The following KPNA7 variants were observed in gnomAD, a reference collection of about 807,000 sequenced individuals.
KPNA7 encodes karyopherin subunit alpha 7, also known as importin subunit alpha-8.
A neutral mutation model predicts 53.7 loss-of-function variants in KPNA7; 54 were observed. That is an observed-to-expected ratio of 1.01 (90% confidence interval 0.81 to 1.26). The LOEUF (loss-of-function observed/expected upper bound fraction) is 1.26, where lower values mean the gene tolerates loss of function less well. Ranked by LOEUF, KPNA7 falls within the 50% of genes most tolerant of loss-of-function variation. KPNA7 has a pLI of 0.00. For missense variants in KPNA7, 640 were observed against 644.5 expected (o/e 0.99, Z 0.07); for synonymous variants, 276 against 259.3 (o/e 1.06, Z -0.62).
At chr7:99,205,569 G>C (rs545550420) in intron 2 of KPNA7, among the ~76,000 whole-genome samples, 1 of 152,078 alleles carries the variant, frequency 6.6e-6, no homozygotes, top group African/African-American at 2.4e-5. Flanking sequence ...GAGATGGGGG[G>C]CTGGGAGCAG....
intron 7 of KPNA7, among the ~76,000 whole-genome samples, chr7:99,187,799 TAAAAAAAAAAAAAAAAAAAAAA>T (rs55867906): frequency 6.1e-5 from 4 of 65,108 alleles, no homozygotes; most frequent in Admixed American, 1.8e-4. Context: ...CCTTTTTTTT[TAAAAAAAAAAAAAAAAAAAAAA>T]AAAAAAAAAA....
At chr7:99,145,855 G>T in the KPNA7 span, among the ~76,000 whole-genome samples, 1 of 152,204 alleles carries the variant, frequency 6.6e-6, no homozygotes, top group East Asian at 1.9e-4. Flanking sequence ...CAGGATTCAA[G>T]GCATCACATC....
rs1174171343 is a variant in KPNA7 at position 99,203,194 on chromosome 7, G to A, written c.113C>T (p.Ala38Val). The A allele has an allele frequency of 1.5e-5, 23 of 1,551,626 alleles. No homozygotes were observed. The highest frequency in any genetic ancestry group is 2.0e-5 in the Non-Finnish European group (23 of 1,146,942). ...RMAVSLELRK[A>V]KKDEQTLKRR... ...CTTTAAGGTCTGTTCATCTTTCTTG[G>A]CCTTTCGGAGCTCCAGACTGACCGC... Residue 38 changes from alanine (A) to valine (V), a missense_variant, in exon 3 of 11, where the codon GCC (alanine) becomes GTC (valine). By Grantham distance (64) the Ala-to-Val change is moderately conservative (BLOSUM62 0). Coordinates refer to ENST00000327442, the MANE Select transcript of KPNA7 (RefSeq NM_001145715.3).
chr7:99,182,624 C>T (rs1789326279), intron 8 of KPNA7, among the ~76,000 whole-genome samples: 1 of 152,114 alleles, frequency 6.6e-6, no homozygotes, highest in Non-Finnish European at 1.5e-5. Flanking sequence ...CATGAACCCC[C>T]TGCCCGGCTC....
At chr7:99,213,404 T>C (rs1434732750) in intron 1 of KPNA7, among the ~76,000 whole-genome samples, 2 of 131,118 alleles carry the variant, frequency 1.5e-5, no homozygotes, top group African/African-American at 2.9e-5. Flanking sequence ...TAGGATTACA[T>C]GTGTGAGCCA....
At chr7:99,207,104 A>G (rs1458852475) in intron 2 of KPNA7, among the ~76,000 whole-genome samples, 2 of 151,514 alleles carry the variant, frequency 1.3e-5, no homozygotes, top group Non-Finnish European at 2.9e-5. Flanking sequence ...GCCTGATCTC[A>G]GCTCACTGCA....
the KPNA7 span, among the ~76,000 whole-genome samples, chr7:99,147,032 A>G: frequency 6.6e-6 from 1 of 152,224 alleles, no homozygotes; most frequent in Non-Finnish European, 1.5e-5. Context: ...TATACCCAAT[A>G]GTATCTTTCA....
In KPNA7 at chr7:99,188,581, C is replaced by T; in HGVS notation, c.637-18G>A. 6.5e-7 allele frequency: 1 copy of T among 1,547,092 alleles called. No individual in the cohort carries two copies. Among genetic ancestry groups the T allele is most frequent in the South Asian group, 1.2e-5 (1 of 83,984 alleles). On this transcript the variant is annotated intron_variant, in intron 6 of 10. Transcript: ENST00000327442. The stretch of plus-strand genomic sequence containing the variant: ...AATGTGATCTGTAACAAGGAGACTG[C>T]CTCCAGCATTGGGTGCAAAGGAGAG...
chr7:99,185,945 A>G (rs1193076566), intron 7 of KPNA7, among the ~76,000 whole-genome samples: 1 of 152,096 alleles, frequency 6.6e-6, no homozygotes, highest in East Asian at 1.9e-4. Flanking sequence ...GGTGTGCACC[A>G]CCATGCCTGG....
At chr7:99,214,653 GGA>G (rs1287927190) in intron 1 of KPNA7, among the ~76,000 whole-genome samples, 689 of 17,088 alleles carry the variant, frequency 0.04, 261 homozygotes, top group Non-Finnish European at 0.062. Flanking sequence ...GGGGAGGTAG[GGA>G]AGGGGAGGGG....
At chr7:99,173,029 T>A (rs372073968), downstream of KPNA7, among the ~76,000 whole-genome samples, 20 of 117,078 alleles carry the variant, frequency 1.7e-4, no homozygotes, top group African/African-American at 6.6e-4. Context: ...ATCACTGCAC[T>A]CCAGCCTGGG....
At chr7:99,203,291 C>T (rs1790644442) in intron 2 of KPNA7, 51 bp from the exon 3 acceptor site, 11 of 1,527,416 alleles carry the variant, frequency 7.2e-6, no homozygotes, top group Non-Finnish European at 9.8e-6. Context: ...GGGGATGTCA[C>T]ATTTAGTCTG....
chr7:99,182,178 T>C, intron 8 of KPNA7, 113 bp from the exon 9 acceptor site: 1 of 720,168 alleles, frequency 1.4e-6, no homozygotes, highest in South Asian at 2.3e-5. Flanking sequence ...GCATGTACAA[T>C]TTACATAGAA....
chr7:99,176,115 G>C (rs886399845), intron 10 of KPNA7, among the ~76,000 whole-genome samples: 1 of 151,564 alleles, frequency 6.6e-6, no homozygotes, highest in East Asian at 2.0e-4. Flanking sequence ...TGGCTAACAC[G>C]GTGAAACCCC....
chr7:99,163,383 A>ATATATATATATATAT, the KPNA7 span, among the ~76,000 whole-genome samples: 2 of 40,816 alleles, frequency 4.9e-5, no homozygotes, highest in Non-Finnish European at 4.2e-5. Context: ...ATATATATAT[A>ATATATATATATATAT]TTTTTTTTTT....
At chr7:99,160,329 C>T in the KPNA7 span, among the ~76,000 whole-genome samples, 1 of 151,538 alleles carries the variant, frequency 6.6e-6, no homozygotes, top group African/African-American at 2.4e-5. Flanking sequence ...CCGGCCTCTC[C>T]TCTGTCTTTT....
chr7:99,209,087 G>A (rs568437314), upstream of KPNA7, among the ~76,000 whole-genome samples: 1 of 152,124 alleles, frequency 6.6e-6, no homozygotes, highest in Non-Finnish European at 1.5e-5. Context: ...GGGAGGCGGA[G>A]GTTGCAGTGA....
intron 3 of KPNA7, among the ~76,000 whole-genome samples, chr7:99,201,036 A>C (rs545292122): frequency 6.6e-6 from 1 of 152,302 alleles, no homozygotes; most frequent in Non-Finnish European, 1.5e-5. Context: ...GCCCAAAAGG[A>C]ATGAAGTATT....
At chr7:99,199,077 A>AAAAAAAAAAAAAAAAAAAAC (rs1790378400) in intron 3 of KPNA7, among the ~76,000 whole-genome samples, 1 of 150,440 alleles carries the variant, frequency 6.6e-6, no homozygotes, top group Non-Finnish European at 1.5e-5. Flanking sequence ...AAAAAAAAAA[A>AAAAAAAAAAAAAAAAAAAAC]AAAAAAAAAA....
Sources: allele counts gnomAD v4.1 joint callset (sites outside exome capture counted in the v4.1 genomes callset), GRCh38; gene constraint gnomAD v4.1.1; transcripts MANE v1.5; gene names NCBI Gene and HGNC (gene_info 2026-07-23, HGNC 2026-07-21).